BBS9: variants seen among roughly 807,000 people sequenced by gnomAD.
BBS9 encodes protein PTHB1.
BBS9 carries 89 observed loss-of-function variants against 117.7 expected under a neutral mutation model. The ratio of observed to expected loss-of-function variants is 0.76; its 90% confidence interval spans 0.64 to 0.90. The LOEUF (loss-of-function observed/expected upper bound fraction) is 0.90, where lower values mean the gene tolerates loss of function less well. Among genes scored for constraint, BBS9 ranks in the 40% least tolerant of loss-of-function variants. The pLI is 0.00. For missense variants in BBS9, 982 were observed against 1,042.2 expected (o/e 0.94, Z 0.80); for synonymous variants, 379 against 370.9 (o/e 1.02, Z -0.25).
intron 21 of BBS9, among the ~76,000 whole-genome samples, chr7:33,597,356 G>A (rs1385512615): frequency 2.0e-5 from 3 of 152,038 alleles, no homozygotes; most frequent in Admixed American, 6.6e-5. Flanking sequence ...GGCAATTCAG[G>A]TCATGCAAAC....
chr7:33,331,694 T>TC (rs1168053233), intron 9 of BBS9, among the ~76,000 whole-genome samples: 1 of 137,828 alleles, frequency 7.3e-6, no homozygotes, highest in Non-Finnish European at 1.6e-5. Flanking sequence ...CACACACAAC[T>TC]CCCCCCAAAA....
chr7:33,289,903 G>T (rs955151511), intron 9 of BBS9, among the ~76,000 whole-genome samples: 3 of 152,020 alleles, frequency 2.0e-5, no homozygotes, highest in African/African-American at 4.8e-5. Flanking sequence ...TTAGCTAGGC[G>T]TAGTGCTACA....
chr7:33,175,328 C>CA (rs138231949), intron 4 of BBS9, among the ~76,000 whole-genome samples: 2,571 of 151,556 alleles, frequency 0.017, 62 homozygotes, highest in African/African-American at 0.059. Flanking sequence ...AAAAAAACAA[C>CA]AAAACTAATG....
chr7:33,518,491 C>T lies in BBS9; in HGVS notation c.2298+12846C>T, dbSNP rs1294530068. On this transcript the variant is annotated intron_variant, in intron 20 of 22. Transcript: ENST00000242067. Reference sequence around the variant, plus strand: ...GTCTTGATCTCTTGACCTTGTGATCCGCCCGCCTCGGCCTCCCAAAGTGCT... The same window carrying T: ...GTCTTGATCTCTTGACCTTGTGATCTGCCCGCCTCGGCCTCCCAAAGTGCT... 4.0e-5 allele frequency among the ~76,000 whole-genome samples: 6 copies of T among 151,820 alleles called. No homozygotes were observed. In the East Asian group the frequency reaches 7.7e-4, roughly 20 times the overall value.
chr7:33,277,200 C>G (rs752260013), intron 9 of BBS9: 3 of 154,342 alleles, frequency 1.9e-5, no homozygotes, highest in Non-Finnish European at 4.4e-5. Flanking sequence ...CCAGCGCTGA[C>G]ACTTTACAAG....
intron 5 of BBS9, among the ~76,000 whole-genome samples, chr7:33,253,388 C>T (rs571781601): frequency 1.3e-4 from 20 of 152,146 alleles, no homozygotes; most frequent in Middle Eastern, 3.4e-3. Context: ...CTGAGGTGAG[C>T]GGATCACCTG....
intron 19 of BBS9, among the ~76,000 whole-genome samples, chr7:33,450,868 T>G (rs1837706737): frequency 6.6e-6 from 1 of 150,984 alleles, no homozygotes; most frequent in Non-Finnish European, 1.5e-5. Flanking sequence ...TCAGAAGTTT[T>G]TTTTTTTTGT....
chr7:33,340,101 T>C (rs1459677139), intron 10 of BBS9, among the ~76,000 whole-genome samples: 1 of 152,034 alleles, frequency 6.6e-6, no homozygotes, highest in Non-Finnish European at 1.5e-5. Context: ...AACATGTGTA[T>C]GGTAAAAATA....
Position 33,427,796 on chromosome 7 carries a change from A to G in BBS9, c.2115+39652A>G, listed in dbSNP as rs528650366. On this transcript the variant is annotated intron_variant, in intron 19 of 22. Transcript: ENST00000242067. ...GGTTCTTATAATATTCATTGCTATC[A>G]TTTATGGAGTGCTTACTAAACACCA... Among the ~76,000 whole-genome samples, 195 of 152,302 alleles carry G rather than the reference A, an allele frequency of 1.3e-3. 1 individual carries two copies. The highest frequency in any genetic ancestry group is 2.3e-3 in the Non-Finnish European group (158 of 68,014).
chr7:33,613,077 G>C lies in BBS9; in HGVS notation c.2522-22100G>C, dbSNP rs148217259. 1.1e-4 allele frequency among the ~76,000 whole-genome samples: 17 copies of C among 152,118 alleles called. No individual in the cohort carries two copies. In the East Asian group the frequency reaches 3.3e-3, roughly 29 times the overall value. Reference sequence around the variant, plus strand: ...CCTTAAAGAACTTTCAGTTCAGTGGGGGAACAGAGAAGAAAATGGACAGTT... The same window carrying C: ...CCTTAAAGAACTTTCAGTTCAGTGGCGGAACAGAGAAGAAAATGGACAGTT... On this transcript the variant is annotated intron_variant, in intron 21 of 21. Coordinates refer to the BBS9 transcript ENST00000671952.
chr7:33,434,875 C>A (rs878901121), intron 19 of BBS9, among the ~76,000 whole-genome samples: 1 of 152,058 alleles, frequency 6.6e-6, no homozygotes, highest in Admixed American at 6.5e-5. Flanking sequence ...TGTAATATTG[C>A]GGCTTTGACC....
At chr7:33,355,314 A>T (rs1393245353) in intron 15 of BBS9, among the ~76,000 whole-genome samples, 1 of 152,020 alleles carries the variant, frequency 6.6e-6, no homozygotes, top group African/African-American at 2.4e-5. Flanking sequence ...TGTAAATCCC[A>T]GTAGAAATGT....
intron 9 of BBS9, among the ~76,000 whole-genome samples, chr7:33,281,047 A>G (rs1217462476): frequency 6.6e-6 from 1 of 151,316 alleles, no homozygotes; most frequent in Non-Finnish European, 1.5e-5. Context: ...GAATTTATGT[A>G]AGGTATAAAT....
intron 6 of BBS9, among the ~76,000 whole-genome samples, chr7:33,259,392 TC>T (rs1460490114): frequency 2.6e-5 from 4 of 152,108 alleles, no homozygotes; most frequent in Non-Finnish European, 5.9e-5. Flanking sequence ...CAGATGCTAG[TC>T]CCCAGTCCCC....
chr7:33,563,815 A>G (rs1016399156), intron 21 of BBS9, among the ~76,000 whole-genome samples: 1 of 152,194 alleles, frequency 6.6e-6, no homozygotes, highest in Non-Finnish European at 1.5e-5. Flanking sequence ...GCCAATCTGC[A>G]TTCGGCGCTA....
intron 20 of BBS9, among the ~76,000 whole-genome samples, chr7:33,518,581 A>G (rs976157463): frequency 6.6e-6 from 1 of 152,140 alleles, no homozygotes; most frequent in African/African-American, 2.4e-5. Context: ...AGTGTCAGCT[A>G]CTTCAAGGTA....
intron 9 of BBS9, among the ~76,000 whole-genome samples, chr7:33,311,762 A>G (rs574423168): frequency 6.6e-6 from 1 of 152,148 alleles, no homozygotes; most frequent in East Asian, 1.9e-4. Flanking sequence ...GGTTGCAGTG[A>G]GCCAAGATCG....
At chr7:33,372,433 G>C (rs1584535699) in intron 17 of BBS9, among the ~76,000 whole-genome samples, 1 of 152,142 alleles carries the variant, frequency 6.6e-6, no homozygotes, top group East Asian at 1.9e-4. Context: ...CCTTCATTCT[G>C]TTAATATGAT....
intron 19 of BBS9, among the ~76,000 whole-genome samples, chr7:33,483,436 G>A (rs769333322): frequency 1.3e-5 from 2 of 152,062 alleles, no homozygotes; most frequent in Non-Finnish European, 2.9e-5. Context: ...TATATACCTT[G>A]CCTAGAATCA....
Sources: gnomAD v4.1 joint callset for allele counts (sites outside exome capture counted in the v4.1 genomes callset) on GRCh38, gnomAD v4.1.1 for gene constraint, MANE v1.5 for transcripts, NCBI Gene and HGNC (gene_info 2026-07-23, HGNC 2026-07-21) for gene names.